The following LINGO1 variants were observed in gnomAD, a reference collection of about 807,000 sequenced individuals.
LINGO1 encodes leucine rich repeat and Ig domain containing 1.
In LINGO1, 11 loss-of-function variants were observed where a neutral mutation model predicts 37.3. The observed-to-expected ratio is 0.29, with a 90% CI of 0.19 to 0.49. The LOEUF (loss-of-function observed/expected upper bound fraction) is 0.49. Among genes scored for constraint, LINGO1 ranks in the 20% least tolerant of loss-of-function variants. The pLI is 0.99. For synonymous variants in LINGO1, 387 were observed against 403.0 expected, an observed-to-expected ratio of 0.96 and a Z score of 0.48; for missense variants, 585 against 878.2, an observed-to-expected ratio of 0.67 and a Z score of 4.22.
chr15:77,714,556 C>T (rs189891047), intron 2 of LINGO1, among the ~76,000 whole-genome samples: 1 of 152,310 alleles, frequency 6.6e-6, no homozygotes, highest in Non-Finnish European at 1.5e-5. Flanking sequence ...CTGAGGGCCC[C>T]GTTGCCCAGT....
rs767799691 is a variant in LINGO1, at chr15:77,776,448, A to AGCAGGAAG, written c.-257+10413_-257+10420dup. The stretch of plus-strand genomic sequence containing the variant: ...GGCAGGTCACCTGTCCCGGGGCTTT[A>AGCAGGAAG]GCAGGAAGGCAGGAAGGCAGGAAGG... On this transcript the variant is annotated intron_variant, in intron 1 of 3. Transcript: ENST00000561686. 2.4e-3 allele frequency among the ~76,000 whole-genome samples: 244 copies of AGCAGGAAG among 103,828 alleles called. 2 individuals are homozygous for AGCAGGAAG. The highest frequency in any genetic ancestry group is 8.9e-3 in the African/African-American group (194 of 21,794). The allele number at this position is 103,828 out of a possible 152,430, so 68.1% of individuals were successfully genotyped here.
upstream of LINGO1, among the ~76,000 whole-genome samples, chr15:77,633,107 A>G (rs2074317231): frequency 6.6e-6 from 1 of 151,620 alleles, no homozygotes; most frequent in Non-Finnish European, 1.5e-5. Context: ...CGCTTAGGGC[A>G]GCGAAACAGG....
chr15:77,806,738 C>T (rs1217575497), intron 1 of LINGO1, among the ~76,000 whole-genome samples: 2 of 152,112 alleles, frequency 1.3e-5, no homozygotes, highest in Non-Finnish European at 2.9e-5. Context: ...TGGAGTGCCT[C>T]TCCCCACAGC....
intron 1 of LINGO1, among the ~76,000 whole-genome samples, chr15:77,763,251 C>T (rs544914352): frequency 3.3e-5 from 5 of 152,210 alleles, no homozygotes; most frequent in African/African-American, 7.2e-5. Flanking sequence ...CTTGCTCAGG[C>T]GCCTCAAAAT....
intron 3 of LINGO1, chr15:77,646,491 C>T (rs2074632876): frequency 2.2e-6 from 1 of 454,760 alleles, no homozygotes; most frequent in South Asian, 1.6e-5. Flanking sequence ...CTTCTTCCCT[C>T]CTCTCTGCAC....
At chr15:77,697,900 C>T (rs751852725), upstream of LINGO1, among the ~76,000 whole-genome samples, 33 of 152,190 alleles carry the variant, frequency 2.2e-4, no homozygotes, top group Non-Finnish European at 2.4e-4. Flanking sequence ...AGGGAGAAAG[C>T]CCCCTCCTTC....
At chr15:77,674,407 G>A (rs1328540203) in intron 3 of LINGO1, among the ~76,000 whole-genome samples, 4 of 152,132 alleles carry the variant, frequency 2.6e-5, no homozygotes, top group East Asian at 3.8e-4. Flanking sequence ...ATGTCACTAC[G>A]CAGAACCTTC....
At chr15:77,779,870 A>G (rs1186242680) in intron 1 of LINGO1, among the ~76,000 whole-genome samples, 3 of 152,130 alleles carry the variant, frequency 2.0e-5, no homozygotes, top group Non-Finnish European at 2.9e-5. Flanking sequence ...ATATTCACCC[A>G]TCCATTCACC....
chr15:77,642,506 T>G (rs746759909), intron 3 of LINGO1, among the ~76,000 whole-genome samples: 1 of 152,176 alleles, frequency 6.6e-6, no homozygotes, highest in Non-Finnish European at 1.5e-5. Flanking sequence ...TCTGAGATGT[T>G]CCCTTCCAGG....
At chr15:77,745,951 T>G (rs545711860) in intron 1 of LINGO1, among the ~76,000 whole-genome samples, 9 of 151,778 alleles carry the variant, frequency 5.9e-5, no homozygotes, top group Non-Finnish European at 1.0e-4. Flanking sequence ...AACCAGGAGC[T>G]GGGCACGGTG....
chr15:77,638,909 G>A (rs1331206925), upstream of LINGO1, among the ~76,000 whole-genome samples: 10 of 152,100 alleles, frequency 6.6e-5, no homozygotes, highest in Admixed American at 4.6e-4. Context: ...AACAGAATAC[G>A]GCAGAAGTGA....
At chr15:77,657,838 A>G (rs994200244) in intron 3 of LINGO1, among the ~76,000 whole-genome samples, 4 of 152,148 alleles carry the variant, frequency 2.6e-5, no homozygotes, top group Admixed American at 6.6e-5. Flanking sequence ...AGAAACTGGA[A>G]CTGTTACAAA....
At chr15:77,759,764 G>A (rs1380919568) in intron 1 of LINGO1, among the ~76,000 whole-genome samples, 1 of 152,378 alleles carries the variant, frequency 6.6e-6, no homozygotes, top group East Asian at 1.9e-4. Flanking sequence ...TGTAAATCTT[G>A]CTCTAATTGA....
intron 1 of LINGO1, among the ~76,000 whole-genome samples, chr15:77,743,936 C>G (rs1170374355): frequency 2.0e-5 from 3 of 152,190 alleles, no homozygotes; most frequent in Non-Finnish European, 4.4e-5. Context: ...ATTTATTGAT[C>G]CATCTGTAGC....
chr15:77,631,883 A>C (rs1466986790), intron 1 of LINGO1, among the ~76,000 whole-genome samples: 1 of 151,880 alleles, frequency 6.6e-6, no homozygotes, highest in Non-Finnish European at 1.5e-5. Flanking sequence ...ACCTGTGTCC[A>C]CCAGCTAGGG....
chr15:77,645,949 C>T (rs894243312), intron 3 of LINGO1, among the ~76,000 whole-genome samples: 1 of 152,150 alleles, frequency 6.6e-6, no homozygotes, highest in Non-Finnish European at 1.5e-5. Context: ...TGGCTGGCAG[C>T]CCAGGGTGAG....
intron 2 of LINGO1, among the ~76,000 whole-genome samples, chr15:77,734,351 A>C (rs1240361989): frequency 3.9e-5 from 6 of 151,914 alleles, no homozygotes; most frequent in Non-Finnish European, 7.4e-5. Context: ...TAAAATACAA[A>C]ACAAAACAAA....
intron 1 of LINGO1, among the ~76,000 whole-genome samples, chr15:77,815,925 C>T (rs2077044046): frequency 6.6e-6 from 1 of 152,222 alleles, no homozygotes; most frequent in African/African-American, 2.4e-5. Flanking sequence ...TACTCCACTG[C>T]AAACACGTTC....
chr15:77,655,491 G>T (rs2074846056), intron 3 of LINGO1, among the ~76,000 whole-genome samples: 1 of 152,148 alleles, frequency 6.6e-6, no homozygotes, highest in South Asian at 2.1e-4. Flanking sequence ...ACTCCTCCGA[G>T]ATCAGTACCA....
Sources: gnomAD v4.1 joint callset for allele counts (sites outside exome capture counted in the v4.1 genomes callset) on GRCh38, gnomAD v4.1.1 for gene constraint, MANE v1.5 for transcripts, NCBI Gene and HGNC (gene_info 2026-07-23, HGNC 2026-07-21) for gene names.